ZNF83: variants seen among roughly 807,000 people sequenced by gnomAD.
The protein encoded by ZNF83 is zinc finger protein 816B.
For missense variants in ZNF83, 552 were observed against 629.9 expected, an observed-to-expected ratio of 0.88 and a Z score of 1.32; for synonymous variants, 209 against 213.0, an observed-to-expected ratio of 0.98 and a Z score of 0.17.
At chr19:52,681,177 C>G (rs1388905212) in intron 1 of ZNF83, among the ~76,000 whole-genome samples, 1 of 146,062 alleles carries the variant, frequency 6.8e-6, no homozygotes, top group African/African-American at 2.5e-5. Context: ...CCCAGCTACA[C>G]AGGAAGCTGA....
chr19:52,659,289 A>G (rs1026543754), intron 2 of ZNF83, among the ~76,000 whole-genome samples: 4 of 152,070 alleles, frequency 2.6e-5, no homozygotes, highest in African/African-American at 9.7e-5. Flanking sequence ...AACAAAGGCA[A>G]AGAAGGATTT....
intron 1 of ZNF83, among the ~76,000 whole-genome samples, chr19:52,670,222 G>A (rs1034113318): frequency 2.0e-5 from 3 of 150,752 alleles, no homozygotes; most frequent in South Asian, 2.1e-4. Context: ...GACTCACTCC[G>A]ATTACCTGCT....
intron 1 of ZNF83, among the ~76,000 whole-genome samples, chr19:52,637,783 C>A (rs373451992): frequency 5.3e-5 from 8 of 152,164 alleles, no homozygotes; most frequent in African/African-American, 1.9e-4. Context: ...GGTACCTCCC[C>A]AACGCGGGTT....
In ZNF83 at chr19:52,677,129, AAAAAAAG is replaced by A. The variant is rs1488810086; in HGVS notation, c.-283+13307_-283+13313del. On this transcript the variant is annotated intron_variant, in intron 1 of 5. Coordinates refer to the ZNF83 transcript ENST00000594682. ...AACACCCAAGAATGATCAATTAAAA[AAAAAAAG>A]AAAAAAAGAAAAAAAAATAAAGGAA... is the stretch of plus-strand genomic sequence containing the variant. Among the ~76,000 whole-genome samples, 14 of 44,464 alleles carry A rather than the reference AAAAAAAG, an allele frequency of 3.1e-4. No individual in the cohort carries two copies. In the African/African-American group the frequency reaches 3.4e-3, roughly 11 times the overall value. The allele number at this position is 44,464 out of a possible 152,430, so 29.2% of individuals were successfully genotyped here.
chr19:52,652,562 G>A (rs959952274), intron 3 of ZNF83: 11 of 434,268 alleles, frequency 2.5e-5, no homozygotes, highest in African/African-American at 1.0e-4. Context: ...CATTTGTAAC[G>A]TTTCTTTCCA....
intron 3 of ZNF83, among the ~76,000 whole-genome samples, chr19:52,644,338 T>C (rs1316844708): frequency 5.9e-5 from 9 of 152,262 alleles, no homozygotes; most frequent in African/African-American, 2.2e-4. Flanking sequence ...TTTTCCGGTC[T>C]AGCCCCTCAT....
intron 3 of ZNF83, among the ~76,000 whole-genome samples, chr19:52,646,154 G>A (rs1389114270): frequency 6.6e-6 from 1 of 152,052 alleles, no homozygotes; most frequent in Admixed American, 6.6e-5. Flanking sequence ...TGGCCAGGCT[G>A]GTCTTAAACT....
intron 1 of ZNF83, among the ~76,000 whole-genome samples, chr19:52,676,309 G>A (rs1346894312): frequency 6.6e-6 from 1 of 152,198 alleles, no homozygotes; most frequent in African/African-American, 2.4e-5. Context: ...CTGGAGTGCA[G>A]TGGCCTGATC....
intron 1 of ZNF83, among the ~76,000 whole-genome samples, chr19:52,681,421 TAGAAA>T (rs1364950870): frequency 6.6e-6 from 1 of 151,632 alleles, no homozygotes; most frequent in South Asian, 2.1e-4. Flanking sequence ...ATGAATTTGA[TAGAAA>T]AGAAAAGAGA....
At chr19:52,686,626 T>C (rs1341721132) in intron 1 of ZNF83, among the ~76,000 whole-genome samples, 1 of 152,104 alleles carries the variant, frequency 6.6e-6, no homozygotes, top group Non-Finnish European at 1.5e-5. Context: ...CAGGCTGCAG[T>C]GCAGCAACAT....
rs556291457 is a variant in ZNF83 at position 52,656,945 on chromosome 19, T to G, written c.-200-1258A>C. ...CATTGCAAATCACACCTACACACAC[T>G]TCAATTAACTTCAGTCGGGACATTA... On this transcript the variant is annotated intron_variant, in intron 2 of 5. Coordinates refer to the ZNF83 transcript ENST00000594682. 5.3e-5 allele frequency among the ~76,000 whole-genome samples: 8 copies of G among 151,716 alleles called. No homozygotes were observed. The South Asian group carries it at 1.7e-3, about 32-fold the overall frequency.
intron 3 of ZNF83, chr19:52,651,796 T>C (rs187216895): frequency 6.5e-6 from 1 of 154,114 alleles, no homozygotes; most frequent in South Asian, 2.0e-4. Flanking sequence ...CTCAAACTGC[T>C]GACCTCAAGT....
chr19:52,636,436 A>C (rs563469587), intron 1 of ZNF83: 10 of 152,312 alleles, frequency 6.6e-5, no homozygotes, highest in African/African-American at 2.4e-4. Flanking sequence ...CAAGTGAATA[A>C]GTCACTCCAC....
At chr19:52,631,991 C>A (rs569430187) in intron 2 of ZNF83, among the ~76,000 whole-genome samples, 301 of 151,324 alleles carry the variant, frequency 2.0e-3, no homozygotes, top group Non-Finnish European at 2.1e-3. Flanking sequence ...CCAGGACTGG[C>A]AAATTAGCTT....
chr19:52,629,299 CCTGTGCCCAGTCT>C (rs1252262264), intron 2 of ZNF83, among the ~76,000 whole-genome samples: 1 of 152,022 alleles, frequency 6.6e-6, no homozygotes, highest in African/African-American at 2.4e-5. Flanking sequence ...CACATCGGTC[CCTGTGCCCAGTCT>C]CTGTGCCCAG....
chr19:52,661,767 T>C (rs772933037), intron 1 of ZNF83, among the ~76,000 whole-genome samples: 3 of 152,030 alleles, frequency 2.0e-5, no homozygotes, highest in South Asian at 2.1e-4. Flanking sequence ...ACAGAACAGG[T>C]AACATGGACC....
At chr19:52,631,551 C>T (rs922534837) in intron 2 of ZNF83, among the ~76,000 whole-genome samples, 24 of 152,292 alleles carry the variant, frequency 1.6e-4, no homozygotes, top group East Asian at 7.7e-4. Flanking sequence ...ACTTTCTGCT[C>T]CCTGGCTCCT....
At chr19:52,622,048 C>G (rs911018917) in intron 2 of ZNF83, among the ~76,000 whole-genome samples, 2 of 152,056 alleles carry the variant, frequency 1.3e-5, no homozygotes, top group East Asian at 1.9e-4. Context: ...CTCTCTCCCC[C>G]TCCCCAGGCC....
chr19:52,613,456 T>G, exon 3 of ZNF83: 1 of 1,614,138 alleles, frequency 6.2e-7, no homozygotes, highest in East Asian at 2.2e-5. Flanking sequence ...ATAAGGTTTC[T>G]CACCGGCATG....
Sources: gnomAD v4.1 joint callset for allele counts (sites outside exome capture counted in the v4.1 genomes callset) on GRCh38, gnomAD v4.1.1 for gene constraint, MANE v1.5 for transcripts, NCBI Gene and HGNC (gene_info 2026-07-23, HGNC 2026-07-21) for gene names.